DCDC2C: variants seen among roughly 807,000 people sequenced by gnomAD.
DCDC2C encodes the protein doublecortin domain containing 2C, also known as doublecortin domain-containing protein 2C.
In DCDC2C, 44 loss-of-function variants were observed where a neutral mutation model predicts 45.0. That is an observed-to-expected ratio of 0.98 (90% CI 0.77 to 1.26). The LOEUF is 1.26. Ranked by LOEUF, DCDC2C falls within the 50% of genes most tolerant of loss-of-function variation. DCDC2C has a pLI of 0.00. For missense variants in DCDC2C, 447 were observed against 468.9 expected, an observed-to-expected ratio of 0.95 and a Z score of 0.43; for synonymous variants, 187 against 178.8, an observed-to-expected ratio of 1.05 and a Z score of -0.37.
chr2:3,801,049 T>A (rs1301673208), intron 10 of DCDC2C, among the ~76,000 whole-genome samples: 6 of 152,168 alleles, frequency 3.9e-5, no homozygotes, highest in African/African-American at 1.4e-4. Context: ...CCTGGGAGGT[T>A]CTATAGATCC....
chr2:3,811,867 T>G (rs563484915), intron 10 of DCDC2C, among the ~76,000 whole-genome samples: 1 of 152,240 alleles, frequency 6.6e-6, no homozygotes, highest in East Asian at 1.9e-4. Flanking sequence ...GTTCTGTTTA[T>G]GCGATGGATT....
At chr2:3,838,026 A>C (rs1672123558) in intron 10 of DCDC2C, among the ~76,000 whole-genome samples, 2 of 152,186 alleles carry the variant, frequency 1.3e-5, no homozygotes, top group Admixed American at 6.5e-5. Flanking sequence ...AAAAGGAAAC[A>C]AGAAATAGTT....
chr2:3,735,508 A>G (rs1234864521), intron 3 of DCDC2C, among the ~76,000 whole-genome samples: 1 of 152,048 alleles, frequency 6.6e-6, no homozygotes, highest in Non-Finnish European at 1.5e-5. Flanking sequence ...AACTTTCAGA[A>G]CATAGGAGGA....
intron 3 of DCDC2C, among the ~76,000 whole-genome samples, chr2:3,740,900 A>G (rs558917358): frequency 2.0e-5 from 3 of 152,376 alleles, no homozygotes; most frequent in Non-Finnish European, 2.9e-5. Flanking sequence ...TGGCAGTAAT[A>G]GTAAATTATA....
intron 10 of DCDC2C, among the ~76,000 whole-genome samples, chr2:3,846,320 C>A (rs919728987): frequency 2.6e-5 from 4 of 151,912 alleles, no homozygotes; most frequent in African/African-American, 9.7e-5. Flanking sequence ...CACTCTGTCG[C>A]TCAGGCTGGA....
rs570176522 is a variant in DCDC2C at position 3,826,490 on chromosome 2, C to CT, written c.1066-20654dup. On this transcript the variant is annotated intron_variant, in intron 10 of 10. Transcript: ENST00000399143. The stretch of plus-strand genomic sequence containing the variant: ...TGTAAAAATCTTTTGTAGGTATTAG[C>CT]TTTTTTTTTTAAATTATGTATGTCA... 9.1e-3 allele frequency among the ~76,000 whole-genome samples: 1,378 copies of CT among 151,090 alleles called. 16 individuals are homozygous for CT. The highest frequency in any genetic ancestry group is 0.032 in the African/African-American group (1,312 of 41,366).
chr2:3,827,222 G>A (rs1040253893), intron 10 of DCDC2C, among the ~76,000 whole-genome samples: 1 of 152,160 alleles, frequency 6.6e-6, no homozygotes, highest in African/African-American at 2.4e-5. Flanking sequence ...TCCTCTCAGA[G>A]CTGCCTGAAG....
intron 10 of DCDC2C, among the ~76,000 whole-genome samples, chr2:3,833,065 CA>C (rs1243024734): frequency 6.6e-6 from 1 of 152,192 alleles, no homozygotes; most frequent in African/African-American, 2.4e-5. Flanking sequence ...GTAGGCCATC[CA>C]CATCCTTTGG....
chr2:3,844,775 G>A (rs1272781260), intron 10 of DCDC2C: 3 of 152,174 alleles, frequency 2.0e-5, no homozygotes, highest in Non-Finnish European at 4.4e-5. Context: ...AGTCTGGGAG[G>A]GAAGAGGGTT....
intron 10 of DCDC2C, among the ~76,000 whole-genome samples, chr2:3,810,761 G>T (rs1206769434): frequency 1.3e-5 from 2 of 152,198 alleles, no homozygotes; most frequent in Non-Finnish European, 2.9e-5. Flanking sequence ...TTTGTATAAG[G>T]TATAAGGAAG....
chr2:3,714,123 A>C (rs1668289565), intron 2 of DCDC2C, among the ~76,000 whole-genome samples: 1 of 152,210 alleles, frequency 6.6e-6, no homozygotes, highest in Non-Finnish European at 1.5e-5. Context: ...AAAATATATT[A>C]ATGGGAAAAT....
intron 10 of DCDC2C, among the ~76,000 whole-genome samples, chr2:3,820,920 A>C (rs1671673761): frequency 6.6e-6 from 1 of 152,158 alleles, no homozygotes; most frequent in Non-Finnish European, 1.5e-5. Context: ...CTCCAGAAGG[A>C]GTCCTCCTGT....
intron 2 of DCDC2C, among the ~76,000 whole-genome samples, chr2:3,724,438 C>T (rs753953193): frequency 2.6e-4 from 40 of 152,276 alleles, no homozygotes; most frequent in Admixed American, 7.2e-4. Context: ...TCCCTGGTCT[C>T]CTTCAGGGAC....
intron 10 of DCDC2C, among the ~76,000 whole-genome samples, chr2:3,813,732 C>CTTTTT (rs3067128): frequency 0.024 from 2,334 of 98,960 alleles, 83 homozygotes; most frequent in East Asian, 0.033. Flanking sequence ...GCAACCCCTG[C>CTTTTT]TTTTTTTTTT....
intron 8 of DCDC2C, among the ~76,000 whole-genome samples, chr2:3,773,060 A>G (rs182483494): frequency 9.8e-5 from 15 of 152,290 alleles, no homozygotes; most frequent in Non-Finnish European, 2.1e-4. Context: ...CTTCAGAGTC[A>G]CTGAAACTCA....
At chr2:3,726,671 G>A (rs777044485) in intron 2 of DCDC2C, among the ~76,000 whole-genome samples, 2 of 152,156 alleles carry the variant, frequency 1.3e-5, no homozygotes, top group Non-Finnish European at 2.9e-5. Context: ...ATGCTTCTTG[G>A]GGACCATGGG....
intron 4 of DCDC2C, among the ~76,000 whole-genome samples, chr2:3,744,943 A>G (rs1669317862): frequency 6.6e-6 from 1 of 152,208 alleles, no homozygotes; most frequent in Non-Finnish European, 1.5e-5. Context: ...ACCTGTGTAT[A>G]CTTCTGGGAG....
chr2:3,746,130 G>A (rs1035343384), intron 4 of DCDC2C, among the ~76,000 whole-genome samples: 2 of 152,234 alleles, frequency 1.3e-5, no homozygotes, highest in East Asian at 1.9e-4. Context: ...GAGCAGTCTC[G>A]GTCCTCAGCC....
chr2:3,725,531 C>T (rs12328058), intron 2 of DCDC2C, among the ~76,000 whole-genome samples: 9 of 54,594 alleles, frequency 1.6e-4, no homozygotes, highest in Admixed American at 2.0e-4. Flanking sequence ...CAGAGGAAGA[C>T]GAGCAGAGAG....
Sources: gnomAD v4.1 joint callset for allele counts (sites outside exome capture counted in the v4.1 genomes callset) on GRCh38, gnomAD v4.1.1 for gene constraint, MANE v1.5 for transcripts, NCBI Gene and HGNC (gene_info 2026-07-23, HGNC 2026-07-21) for gene names.